The following IZUMO2 variants were observed in gnomAD, a reference collection of about 807,000 sequenced individuals.
IZUMO2 encodes the protein izumo sperm-egg fusion protein 2.
In IZUMO2, 24 loss-of-function variants were observed where a neutral mutation model predicts 31.2. The ratio of observed to expected loss-of-function variants is 0.77; its 90% CI spans 0.56 to 1.08. The LOEUF is 1.08. Ranked by LOEUF, IZUMO2 falls within the 50% of genes least tolerant of loss-of-function variation. The pLI, the probability that IZUMO2 is intolerant of heterozygous loss-of-function variation, is 0.00. For missense variants in IZUMO2, 278 were observed against 274.0 expected (o/e 1.01, Z -0.10); for synonymous variants, 144 against 117.3 (o/e 1.23, Z -1.47).
At chr19:50,158,186 C>G in intron 5 of IZUMO2, 82 bp downstream of exon 5, 3 of 854,424 alleles carry the variant, frequency 3.5e-6, no homozygotes, top group Non-Finnish European at 5.6e-6. Flanking sequence ...GTGGGAGCCT[C>G]GAAACCCATA....
In IZUMO2 at chr19:50,152,639, G is replaced by A. The variant is rs2030065464; in HGVS notation, c.636C>T (p.Tyr212=). ...GCAGCAGGAGTTTTCGGTTTTGTCT[G>A]TATGTACAAGCCCTGGTCAGAGAGA... ...FVVIVVSACT[Y]RQNRKLLLQ The change falls in exon 7 of 7, where the codon TAC becomes TAT. Residue 212 remains tyrosine, a synonymous_variant. Coordinates refer to ENST00000293405, the MANE Select transcript of IZUMO2 (RefSeq NM_152358.3). The A allele has an allele frequency of 6.2e-7, 1 of 1,613,272 alleles. No individual in the cohort carries two copies. The highest frequency in any genetic ancestry group is 8.5e-7 in the Non-Finnish European group (1 of 1,179,230).
intron 6 of IZUMO2, among the ~76,000 whole-genome samples, chr19:50,154,264 G>GGTTT (rs2030129512): frequency 3.8e-5 from 3 of 79,288 alleles, no homozygotes; most frequent in Non-Finnish European, 7.5e-5. Flanking sequence ...AACTTTTAGC[G>GGTTT]TTTTTTTTTT....
intron 5 of IZUMO2, among the ~76,000 whole-genome samples, chr19:50,157,765 C>A (rs952075327): frequency 6.6e-6 from 1 of 151,216 alleles, no homozygotes; most frequent in Non-Finnish European, 1.5e-5. Context: ...ACTAAAAATA[C>A]AAAACTTATC....
At chr19:50,155,104 C>T (rs2030170440) in intron 5 of IZUMO2, among the ~76,000 whole-genome samples, 2 of 152,032 alleles carry the variant, frequency 1.3e-5, no homozygotes, top group Admixed American at 1.3e-4. Flanking sequence ...GACTCAAAAC[C>T]AAAAGATACG....
chr19:50,159,161 G>T, intron 4 of IZUMO2, 69 bp downstream of exon 4: 1 of 1,508,672 alleles, frequency 6.6e-7, no homozygotes, highest in Non-Finnish European at 9.1e-7. Context: ...AGCCAGGCTT[G>T]ATTTGGGGAG....
At chr19:50,160,837 T>G (rs1291613929) in intron 2 of IZUMO2, 1 of 152,128 alleles carries the variant, frequency 6.6e-6, no homozygotes, top group Non-Finnish European at 1.5e-5. Flanking sequence ...ACATTCTATT[T>G]CTATTGGATG....
At chr19:50,157,970 T>G (rs1398813045) in intron 5 of IZUMO2, among the ~76,000 whole-genome samples, 1 of 151,696 alleles carries the variant, frequency 6.6e-6, no homozygotes. Flanking sequence ...ATGAGTGAAT[T>G]CAGCACATCC....
chr19:50,157,573 A>G (rs1258795013), intron 5 of IZUMO2, among the ~76,000 whole-genome samples: 1 of 144,578 alleles, frequency 6.9e-6, no homozygotes, highest in African/African-American at 2.5e-5. Flanking sequence ...AAGTGCTGGG[A>G]TTACAGGCGT....
intron 6 of IZUMO2, among the ~76,000 whole-genome samples, chr19:50,154,015 GA>G (rs2030118673): frequency 7.1e-6 from 1 of 140,326 alleles, no homozygotes; most frequent in Non-Finnish European, 1.5e-5. Flanking sequence ...GGCTGGGGGG[GA>G]GGGGGAGGGC....
At position 50,158,395 on chromosome 19, in the gene IZUMO2, G is replaced by T. The variant is rs1324417688; in HGVS notation, c.416-47C>A. Reference sequence around the variant, plus strand: ...AGTAAGACAAGGGCAGATATCAGAGGACCGGCAAGGGTGGAAAGGAAGAAG... The same window carrying T: ...AGTAAGACAAGGGCAGATATCAGAGTACCGGCAAGGGTGGAAAGGAAGAAG... On this transcript the variant is annotated intron_variant, in intron 4 of 6. Coordinates refer to ENST00000293405, the MANE Select transcript of IZUMO2 (RefSeq NM_152358.3). 3.1e-6 allele frequency: 4 copies of T among 1,279,216 alleles called. No homozygotes were observed. The African/African-American group carries it at 5.9e-5, about 19-fold the overall frequency. 79.2% of individuals were successfully genotyped at this position (1,279,216 alleles called of 1,614,324 possible).
At chr19:50,161,667 C>A (rs1472371062) in intron 2 of IZUMO2, among the ~76,000 whole-genome samples, 1 of 152,086 alleles carries the variant, frequency 6.6e-6, no homozygotes, top group Non-Finnish European at 1.5e-5. Flanking sequence ...ACCCCTAGAC[C>A]CCCTCATGGC....
intron 5 of IZUMO2, among the ~76,000 whole-genome samples, chr19:50,157,910 T>TCAAAAA (rs1262838532): frequency 0.014 from 1,574 of 110,780 alleles, 28 homozygotes; most frequent in African/African-American, 0.047. Context: ...AGAATCCATA[T>TCAAAAA]AAAAAAAAAA....
At chr19:50,161,863 G>A (rs1600815984) in intron 2 of IZUMO2, among the ~76,000 whole-genome samples, 2 of 152,244 alleles carry the variant, frequency 1.3e-5, no homozygotes, top group South Asian at 4.2e-4. Flanking sequence ...GGCAATAAAG[G>A]ATTAACTGAG....
At chr19:50,154,944 G>A (rs2030165339) in intron 5 of IZUMO2, among the ~76,000 whole-genome samples, 1 of 152,158 alleles carries the variant, frequency 6.6e-6, no homozygotes, top group South Asian at 2.1e-4. Flanking sequence ...AGGCATTTGG[G>A]ATATAGCCGG....
intron 2 of IZUMO2, chr19:50,160,243 T>G (rs1340981074): frequency 1.3e-5 from 2 of 152,232 alleles, no homozygotes; most frequent in Non-Finnish European, 2.9e-5. Context: ...TGGTAGCCAC[T>G]AGCCACACAT....
intron 5 of IZUMO2, among the ~76,000 whole-genome samples, chr19:50,157,911 A>T (rs754676539): frequency 2.8e-4 from 34 of 123,092 alleles, no homozygotes; most frequent in Middle Eastern, 4.1e-3. Context: ...GAATCCATAT[A>T]AAAAAAAAAA....
intron 2 of IZUMO2, chr19:50,160,884 T>G (rs1029863613): frequency 6.6e-6 from 1 of 152,170 alleles, no homozygotes; most frequent in East Asian, 1.9e-4. Context: ...CACGTTTATA[T>G]TACTAGCCCA....
chr19:50,162,021 G>A (rs973322880), intron 2 of IZUMO2, among the ~76,000 whole-genome samples: 3 of 152,146 alleles, frequency 2.0e-5, no homozygotes, highest in Non-Finnish European at 4.4e-5. Flanking sequence ...GGTGGCTTAC[G>A]CCTATAATCC....
intron 6 of IZUMO2, 77 bp downstream of exon 6, chr19:50,154,523 C>T (rs1416620906): frequency 1.5e-6 from 2 of 1,320,194 alleles, no homozygotes; most frequent in Non-Finnish European, 2.0e-6. Flanking sequence ...ACACAGTGAC[C>T]CATCCAGGGG....
Sources: allele counts gnomAD v4.1 joint callset (sites outside exome capture counted in the v4.1 genomes callset), GRCh38; gene constraint gnomAD v4.1.1; transcripts MANE v1.5; gene names NCBI Gene and HGNC (gene_info 2026-07-23, HGNC 2026-07-21).